The following SLMAP variants were observed in gnomAD, a reference collection of about 807,000 sequenced individuals.
SLMAP encodes the protein sarcolemmal membrane-associated protein.
A neutral mutation model predicts 128.8 loss-of-function variants in SLMAP; 44 were observed. The ratio of observed to expected loss-of-function variants is 0.34; its 90% CI spans 0.27 to 0.44. SLMAP has a LOEUF of 0.44. Among genes scored for constraint, SLMAP ranks in the 20% least tolerant of loss-of-function variants. SLMAP has a pLI of 1.00. For missense variants in SLMAP, 787 were observed against 985.3 expected (o/e 0.80, Z 2.69); for synonymous variants, 327 against 348.8 (o/e 0.94, Z 0.70).
chr3:57,770,272 T>C (rs1365280174), intron 2 of SLMAP, among the ~76,000 whole-genome samples: 3 of 151,606 alleles, frequency 2.0e-5, no homozygotes, highest in Non-Finnish European at 4.4e-5. Flanking sequence ...GCTAAGAGAG[T>C]GATGTATTCC....
intron 14 of SLMAP, among the ~76,000 whole-genome samples, chr3:57,878,322 C>T (rs934798409): frequency 2.0e-5 from 3 of 152,086 alleles, no homozygotes; most frequent in African/African-American, 7.2e-5. Flanking sequence ...GGTTCTATGT[C>T]TCTATTTCTG....
At chr3:57,868,963 G>GTGTGTATTATATATAATATATATTATATA (rs1323153726) in intron 13 of SLMAP, among the ~76,000 whole-genome samples, 18 of 130,118 alleles carry the variant, frequency 1.4e-4, no homozygotes, top group South Asian at 6.9e-4. Flanking sequence ...TATAATATAT[G>GTGTGTATTATATATAATATATATTATATA]TGTGTATTAT....
chr3:57,788,519 T>C (rs1397334993), intron 2 of SLMAP, among the ~76,000 whole-genome samples: 10 of 152,064 alleles, frequency 6.6e-5, no homozygotes, highest in Non-Finnish European at 1.5e-4. Flanking sequence ...GGAAATACAC[T>C]CCCAGGGAAG....
intron 13 of SLMAP, among the ~76,000 whole-genome samples, chr3:57,870,654 T>C (rs968105398): frequency 6.6e-6 from 1 of 152,142 alleles, no homozygotes; most frequent in African/African-American, 2.4e-5. Context: ...CTGCCTCTCA[T>C]GCAAAGTTGA....
intron 4 of SLMAP, among the ~76,000 whole-genome samples, chr3:57,843,075 T>A (rs4681760): frequency 0.3 from 46,071 of 152,042 alleles, 7,293 homozygotes; most frequent in East Asian, 0.5. Flanking sequence ...CACAATAAAC[T>A]TTAGCTGTTT....
At chr3:57,789,547 A>T (rs1041016776) in intron 2 of SLMAP, among the ~76,000 whole-genome samples, 1 of 152,172 alleles carries the variant, frequency 6.6e-6, no homozygotes, top group East Asian at 1.9e-4. Context: ...GTTCTGGCTA[A>T]ACTGACTTAG....
chr3:57,899,659 C>T (rs927458459), intron 17 of SLMAP: 1 of 152,120 alleles, frequency 6.6e-6, no homozygotes, highest in Non-Finnish European at 1.5e-5. Context: ...CTCAGCCTCC[C>T]ACCTCAGCTT....
chr3:57,866,542 T>C (rs1313658199), intron 13 of SLMAP, among the ~76,000 whole-genome samples: 2 of 152,228 alleles, frequency 1.3e-5, no homozygotes, highest in Non-Finnish European at 2.9e-5. Context: ...TAATCATTGC[T>C]GTTTGACTAT....
intron 9 of SLMAP, 21 bp from the exon 10 acceptor site, chr3:57,861,928 G>A (rs764236749): frequency 6.3e-7 from 1 of 1,596,678 alleles, no homozygotes; most frequent in South Asian, 1.1e-5. Context: ...TAATTAAATT[G>A]CCTGTAAACT....
chr3:57,882,085 A>G (rs2095759034), intron 14 of SLMAP, among the ~76,000 whole-genome samples: 1 of 152,186 alleles, frequency 6.6e-6, no homozygotes, highest in Non-Finnish European at 1.5e-5. Context: ...AACTTTTTAT[A>G]TATATTATTT....
intron 2 of SLMAP, among the ~76,000 whole-genome samples, chr3:57,796,025 C>T (rs1560017489): frequency 6.6e-6 from 1 of 152,062 alleles, no homozygotes; most frequent in Non-Finnish European, 1.5e-5. Flanking sequence ...GTAATTAAAA[C>T]ATTTTAAATT....
chr3:57,840,566 A>AGT (rs772067437), intron 3 of SLMAP, among the ~76,000 whole-genome samples: 13 of 152,254 alleles, frequency 8.5e-5, no homozygotes, highest in Non-Finnish European at 1.6e-4. Flanking sequence ...ACTCTGTACA[A>AGT]GTGCTACTTT....
intron 2 of SLMAP, among the ~76,000 whole-genome samples, chr3:57,787,042 T>C (rs1039128169): frequency 6.6e-6 from 1 of 152,084 alleles, no homozygotes; most frequent in African/African-American, 2.4e-5. Context: ...TGCCGAAAAT[T>C]ATGTAGTTTT....
At chr3:57,796,880 T>C (rs1024377212) in intron 2 of SLMAP, among the ~76,000 whole-genome samples, 52 of 152,272 alleles carry the variant, frequency 3.4e-4, no homozygotes, top group African/African-American at 1.1e-3. Flanking sequence ...TAAAATTTTT[T>C]AAAAATTCAA....
At chr3:57,797,564 A>T (rs2087080798) in intron 2 of SLMAP, among the ~76,000 whole-genome samples, 2 of 151,188 alleles carry the variant, frequency 1.3e-5, no homozygotes, top group South Asian at 4.2e-4. Flanking sequence ...TAAACTGTTG[A>T]TGTGGTTATT....
At chr3:57,881,098 G>T (rs561927466) in intron 14 of SLMAP, among the ~76,000 whole-genome samples, 1 of 152,036 alleles carries the variant, frequency 6.6e-6, no homozygotes, top group Non-Finnish European at 1.5e-5. Context: ...GGAGGCTGAG[G>T]CAGGAGAATC....
chr3:57,851,080 C>A (rs145861925), intron 6 of SLMAP, among the ~76,000 whole-genome samples: 145 of 152,320 alleles, frequency 9.5e-4, no homozygotes, highest in African/African-American at 3.3e-3. Context: ...AACAGTCTTA[C>A]AAGGTGCATA....
chr3:57,913,206 G>C lies in SLMAP; in HGVS notation c.2069G>C (p.Cys690Ser). The change falls in exon 21 of 25, where the codon TGC becomes TCC. Residue 690 changes from cysteine (C) to serine (S), a missense_variant. By Grantham distance (112) the Cys-to-Ser change is moderately radical. Around this residue, in one of 2 missense-constraint regions of SLMAP, gnomAD observed 715 missense variants for 843.6 expected, o/e 0.85. Transcript: ENST00000671191. ...RKEWNALETE[C>S]HSLKRENVLL... ...GAATGGAATGCATTGGAAACCGAAT[G>C]CCATTCTCTAAAAAGGGAAAATGTT... 1 of 1,600,584 alleles carries C rather than the reference G, an allele frequency of 6.2e-7. No individual in the cohort carries two copies.
At chr3:57,897,076 T>A in intron 17 of SLMAP, 144 bp downstream of exon 17, 1 of 1,414,698 alleles carries the variant, frequency 7.1e-7, no homozygotes, top group Non-Finnish European at 9.2e-7. Context: ...GACTAAAAAT[T>A]TAAAGTTTTG....
Sources: gnomAD v4.1 joint callset for allele counts (sites outside exome capture counted in the v4.1 genomes callset) on GRCh38, gnomAD v4.1.1 for gene constraint, gnomAD v4.1.1 regional missense constraint, MANE v1.5 for transcripts, NCBI Gene and HGNC (gene_info 2026-07-23, HGNC 2026-07-21) for gene names.